The following SCYL2 variants were observed in gnomAD, a reference collection of about 807,000 sequenced individuals.
SCYL2 encodes the protein SCY1 like pseudokinase 2, also known as SCY1-like protein 2.
SCYL2 carries 36 observed loss-of-function variants against 100.4 expected under a neutral mutation model. The observed-to-expected ratio is 0.36, with a 90% CI of 0.27 to 0.47. The LOEUF (loss-of-function observed/expected upper bound fraction) is 0.47. Among genes scored for constraint, SCYL2 ranks in the 20% least tolerant of loss-of-function variants. The pLI is 1.00. For synonymous variants in SCYL2, 330 were observed against 359.2 expected (o/e 0.92, Z 0.92); for missense variants, 902 against 1,083.9 (o/e 0.83, Z 2.36).
At position 100,267,343 on chromosome 12, in the gene SCYL2, T is replaced by G; in HGVS notation, c.-478T>G. 3.0e-6 allele frequency: 1 copy of G among 335,228 alleles called. No homozygotes were observed. The allele number at this position is 335,228 out of a possible 1,614,324, so 20.8% of individuals were successfully genotyped here. On this transcript the variant is annotated 5_prime_UTR_variant, in exon 1 of 18. In the 5' UTR this introduces an upstream ATG that the reference lacks. Transcript: ENST00000360820. ...GCAGGAACAGCCAGGAGGCGTTTAT[T>G]AGGGGGGCGGGGGGAAAGAGCCCCA...
chr12:100,294,783 G>T (rs2096316624), intron 3 of SCYL2, among the ~76,000 whole-genome samples: 1 of 144,116 alleles, frequency 6.9e-6, no homozygotes, highest in Non-Finnish European at 1.5e-5. Flanking sequence ...GGGGCGGCTG[G>T]CCGGGCGGGG....
intron 10 of SCYL2, among the ~76,000 whole-genome samples, chr12:100,322,697 A>C (rs943557527): frequency 2.0e-5 from 3 of 152,028 alleles, no homozygotes; most frequent in African/African-American, 7.2e-5. Flanking sequence ...CATCTCTACT[A>C]AAAATACAAA....
At chr12:100,307,353 A>G (rs892233088) in intron 4 of SCYL2, among the ~76,000 whole-genome samples, 21 of 152,182 alleles carry the variant, frequency 1.4e-4, no homozygotes, top group Admixed American at 1.4e-3. Flanking sequence ...ATCTTCAACC[A>G]TCTGATCTTT....
intron 4 of SCYL2, among the ~76,000 whole-genome samples, chr12:100,305,444 C>A (rs185939651): frequency 7.2e-5 from 11 of 152,282 alleles, no homozygotes; most frequent in Admixed American, 5.2e-4. Context: ...TAAATAAGTT[C>A]TTTGAAACTA....
intron 10 of SCYL2, among the ~76,000 whole-genome samples, chr12:100,322,400 T>TAA (rs924862677): frequency 8.0e-6 from 1 of 125,040 alleles, no homozygotes; most frequent in Non-Finnish European, 1.7e-5. Context: ...AAAAGAAAAC[T>TAA]AAAAAAAAAA....
intron 11 of SCYL2, among the ~76,000 whole-genome samples, chr12:100,325,341 C>G (rs1282458825): frequency 6.6e-6 from 1 of 152,128 alleles, no homozygotes; most frequent in Non-Finnish European, 1.5e-5. Context: ...ATGTATGTTT[C>G]TTTTTAAGAT....
intron 4 of SCYL2, among the ~76,000 whole-genome samples, chr12:100,310,569 C>T (rs1202313514): frequency 6.6e-6 from 1 of 152,092 alleles, no homozygotes; most frequent in Non-Finnish European, 1.5e-5. Flanking sequence ...ATAAAAATTA[C>T]CAAATATTAA....
At position 100,337,521 on chromosome 12, in the gene SCYL2, C is replaced by G. The variant is rs1566374753; in HGVS notation, c.2145+15C>G. 6.2e-7 allele frequency: 1 copy of G among 1,612,796 alleles called. No individual in the cohort carries two copies. Among genetic ancestry groups the G allele is most frequent in the East Asian group, 2.2e-5 (1 of 44,840 alleles). ...CTGTTAAACAGGTCAGAGTTCATTT[C>G]TTTTGTGTAATTTCCAGAATACGAC... On this transcript the variant is annotated intron_variant, in intron 17 of 17. Transcript: ENST00000360820.
chr12:100,294,388 C>T (rs1592940117), intron 3 of SCYL2, among the ~76,000 whole-genome samples: 9 of 102,306 alleles, frequency 8.8e-5, no homozygotes, highest in East Asian at 3.2e-4. Flanking sequence ...GGGGGCTGAC[C>T]CCCCCACCTC....
intron 11 of SCYL2, 100 bp from the exon 12 acceptor site, chr12:100,326,522 G>A: frequency 1.3e-6 from 1 of 786,692 alleles, no homozygotes; most frequent in East Asian, 2.9e-5. Context: ...TTATTCTTGA[G>A]ACTTTAACAT....
intron 1 of SCYL2, among the ~76,000 whole-genome samples, chr12:100,271,281 A>AAAAAAAAAAAAAAAAG (rs869276181): frequency 7.8e-6 from 1 of 128,904 alleles, no homozygotes; most frequent in Admixed American, 8.8e-5. Flanking sequence ...AAAAAAAAAA[A>AAAAAAAAAAAAAAAAG]AGAGAGAGAG....
At chr12:100,303,636 G>A (rs967473110) in intron 4 of SCYL2, among the ~76,000 whole-genome samples, 16 of 152,168 alleles carry the variant, frequency 1.1e-4, no homozygotes, top group African/African-American at 3.9e-4. Context: ...TGGAAGCTTT[G>A]TCCTAGAGAG....
chr12:100,318,065 G>T, intron 10 of SCYL2, 140 bp downstream of exon 10: 1 of 736,174 alleles, frequency 1.4e-6, no homozygotes, highest in Non-Finnish European at 2.0e-6. Flanking sequence ...TCACATTATT[G>T]ATATACTGTA....
chr12:100,324,431 G>A (rs1592964906), intron 11 of SCYL2, among the ~76,000 whole-genome samples: 1 of 152,086 alleles, frequency 6.6e-6, no homozygotes, highest in Non-Finnish European at 1.5e-5. Context: ...TATTAAATTT[G>A]CATTTTGTAA....
At chr12:100,320,625 A>T (rs2096354723) in intron 10 of SCYL2, among the ~76,000 whole-genome samples, 1 of 152,050 alleles carries the variant, frequency 6.6e-6, no homozygotes, top group African/African-American at 2.4e-5. Flanking sequence ...TCTTCGGGAG[A>T]GAGCTCTCCC....
In SCYL2 at chr12:100,338,810, A is replaced by G. The variant is rs1952315063; in HGVS notation, c.2428A>G (p.Thr810Ala). The part of the protein sequence containing the change: ...TVGVTKMTLG[T>A]PPTLPNFNAL... Reference sequence around the variant, plus strand: ...TGGAGTGACCAAGATGACTCTGGGAACACCTCCCACTTTGCCAAACTTCAA... The same window carrying G: ...TGGAGTGACCAAGATGACTCTGGGAGCACCTCCCACTTTGCCAAACTTCAA... Residue 810 changes from threonine (T) to alanine (A), a missense_variant, in exon 18 of 18, where the codon ACA becomes GCA. Coordinates refer to ENST00000360820, the MANE Select transcript of SCYL2 (RefSeq NM_017988.6). 5.0e-6 allele frequency: 8 copies of G among 1,614,174 alleles called. No homozygotes were observed. The highest frequency in any genetic ancestry group is 6.8e-6 in the Non-Finnish European group (8 of 1,179,992).
At chr12:100,277,310 AT>A (rs1474223924) in intron 1 of SCYL2, among the ~76,000 whole-genome samples, 2 of 152,074 alleles carry the variant, frequency 1.3e-5, no homozygotes, top group Non-Finnish European at 2.9e-5. Context: ...GTCCTTACTG[AT>A]TTTTCTCTCT....
intron 13 of SCYL2, among the ~76,000 whole-genome samples, chr12:100,330,213 T>C (rs967806127): frequency 1.3e-5 from 2 of 152,166 alleles, no homozygotes; most frequent in African/African-American, 4.8e-5. Flanking sequence ...AGGAGAATAA[T>C]GGGAGAAAGA....
Position 100,338,851 on chromosome 12 carries a change from T to C in SCYL2, c.2469T>C (p.Pro823=), listed in dbSNP as rs1257217042. Residue 823 remains proline, a synonymous_variant, in exon 18 of 18, where the codon CCT becomes CCC. Coordinates refer to ENST00000360820, the MANE Select transcript of SCYL2 (RefSeq NM_017988.6). The part of the protein sequence containing the change: ...TLPNFNALSV[P]PAGAKQTQQR... ...CAAACTTCAATGCTTTGAGTGTTCC[T>C]CCTGCTGGTGCAAAGCAGACCCAAC... 16 of 1,614,156 alleles carry C rather than the reference T, an allele frequency of 9.9e-6. No individual in the cohort carries two copies. Among genetic ancestry groups the C allele is most frequent in the South Asian group, 4.4e-5 (4 of 91,078 alleles).
Sources: allele counts gnomAD v4.1 joint callset (sites outside exome capture counted in the v4.1 genomes callset), GRCh38; gene constraint gnomAD v4.1.1; transcripts MANE v1.5; gene names NCBI Gene and HGNC (gene_info 2026-07-23, HGNC 2026-07-21).